FHOD3: variants seen among roughly 807,000 people sequenced by gnomAD.
The protein encoded by FHOD3 is FH1/FH2 domain-containing protein 3.
A neutral mutation model predicts 173.0 loss-of-function variants in FHOD3; 90 were observed. That is an observed-to-expected ratio of 0.52 (90% CI 0.44 to 0.62). The LOEUF (loss-of-function observed/expected upper bound fraction) is 0.62, where lower values mean the gene tolerates loss of function less well. Among genes scored for constraint, FHOD3 ranks in the 20% least tolerant of loss-of-function variants. FHOD3 has a pLI of 0.00. For missense variants in FHOD3, 1,945 were observed against 2,034.7 expected, an observed-to-expected ratio of 0.96 and a Z score of 0.85; for synonymous variants, 828 against 823.0, an observed-to-expected ratio of 1.01 and a Z score of -0.10.
chr18:36,602,531 T>C, intron 7 of FHOD3, 143 bp from the exon 8 acceptor site: 2 of 707,226 alleles, frequency 2.8e-6, no homozygotes, highest in Non-Finnish European at 2.6e-6. Flanking sequence ...AAATCCATCC[T>C]AAGGATAATG....
rs2035137252 is a variant in FHOD3 at position 36,639,505 on chromosome 18, C to T, written c.1197-9811C>T. ...GAAACCCCGTCTCTACTAAAAAATA[C>T]AAAAAAAATTAGCCGGGCGTGGTGG... On this transcript the variant is annotated intron_variant, in intron 10 of 28. Transcript: ENST00000590592. 2.0e-5 allele frequency among the ~76,000 whole-genome samples: 3 copies of T among 151,820 alleles called. No individual in the cohort carries two copies. The South Asian group carries it at 6.2e-4, about 32-fold the overall frequency.
intron 5 of FHOD3, among the ~76,000 whole-genome samples, chr18:36,569,732 T>C (rs1193099075): frequency 6.6e-6 from 1 of 152,152 alleles, no homozygotes; most frequent in African/African-American, 2.4e-5. Flanking sequence ...ATACTGTAAT[T>C]TCTGACTGGA....
chr18:36,617,970 T>A (rs538043356), intron 9 of FHOD3, among the ~76,000 whole-genome samples: 3 of 152,154 alleles, frequency 2.0e-5, no homozygotes, highest in African/African-American at 7.2e-5. Context: ...TTTTTATTAG[T>A]CTGTTATGAA....
rs371573246 is a variant in FHOD3 at position 36,550,243 on chromosome 18, C to CATATATATATATATATATATATAT, written c.512-26207_512-26184dup. Among the ~76,000 whole-genome samples the CATATATATATATATATATATATAT allele has an allele frequency of 9.1e-5, 11 of 120,714 alleles. 1 individual carries two copies. Among genetic ancestry groups the CATATATATATATATATATATATAT allele is most frequent in the African/African-American group, 3.2e-4 (10 of 31,444 alleles). 79.2% of individuals were successfully genotyped at this position (120,714 alleles called of 152,430 possible). A position where few individuals can be genotyped will look rare whatever the true frequency, so the allele number is the denominator to read the frequency against. On this transcript the variant is annotated intron_variant, in intron 5 of 28. Transcript: ENST00000590592. ...ATATATATATAGGCCAGTGGTAGAC[C>CATATATATATATATATATATATAT]ATATATATATATATATATATATATG...
chr18:36,632,954 A>G (rs1352448221), intron 10 of FHOD3, among the ~76,000 whole-genome samples: 4 of 152,150 alleles, frequency 2.6e-5, no homozygotes, highest in Non-Finnish European at 5.9e-5. Flanking sequence ...GCCTTAAGAG[A>G]TCCAGATGCA....
intron 5 of FHOD3, among the ~76,000 whole-genome samples, chr18:36,565,036 T>C (rs1410281188): frequency 2.0e-5 from 3 of 152,160 alleles, no homozygotes; most frequent in Non-Finnish European, 4.4e-5. Flanking sequence ...GTAATAGGTA[T>C]TGAAAGAGTA....
chr18:36,496,376 TA>T (rs1459119661), intron 3 of FHOD3, among the ~76,000 whole-genome samples: 1 of 152,230 alleles, frequency 6.6e-6, no homozygotes, highest in Non-Finnish European at 1.5e-5. Context: ...GTACCTCATG[TA>T]AAATGACAAA....
intron 3 of FHOD3, among the ~76,000 whole-genome samples, chr18:36,472,670 G>A (rs2053349466): frequency 6.6e-6 from 1 of 152,090 alleles, no homozygotes; most frequent in South Asian, 2.1e-4. Context: ...ATAATATGTG[G>A]TCTTTTGGGA....
chr18:36,430,886 G>T (rs1407392672), intron 3 of FHOD3, among the ~76,000 whole-genome samples: 1 of 152,004 alleles, frequency 6.6e-6, no homozygotes, highest in East Asian at 1.9e-4. Flanking sequence ...AAATGGAATG[G>T]GCAGACCAAC....
intron 19 of FHOD3, among the ~76,000 whole-genome samples, chr18:36,722,474 G>A (rs889921177): frequency 2.0e-5 from 3 of 152,212 alleles, no homozygotes; most frequent in African/African-American, 7.2e-5. Flanking sequence ...CATTAGGTTT[G>A]TCATAGGGAG....
At chr18:36,550,450 T>C (rs375370583) in intron 5 of FHOD3, among the ~76,000 whole-genome samples, 24 of 152,002 alleles carry the variant, frequency 1.6e-4, no homozygotes, top group East Asian at 5.8e-4. Flanking sequence ...CATAAGAATT[T>C]TGGTTTTTTT....
At chr18:36,360,981 G>A (rs185414624) in intron 2 of FHOD3, among the ~76,000 whole-genome samples, 2 of 152,184 alleles carry the variant, frequency 1.3e-5, no homozygotes, top group Admixed American at 6.5e-5. Context: ...AAACCAAACC[G>A]AAACAAGAAA....
At chr18:36,661,845 T>C (rs1165357500) in intron 14 of FHOD3, among the ~76,000 whole-genome samples, 2 of 152,136 alleles carry the variant, frequency 1.3e-5, no homozygotes, top group African/African-American at 4.8e-5. Context: ...AGGGCTCTCT[T>C]TTAGAAATAG....
chr18:36,759,056 C>T (rs1184212163), intron 25 of FHOD3, 62 bp from the exon 26 acceptor site: 1 of 1,516,206 alleles, frequency 6.6e-7, no homozygotes, highest in East Asian at 2.4e-5. Flanking sequence ...TTGCTGACTT[C>T]TGTGCCTTCT....
chr18:36,767,177 GA>G (rs1457645568), intron 27 of FHOD3, among the ~76,000 whole-genome samples: 3 of 152,000 alleles, frequency 2.0e-5, no homozygotes, highest in Non-Finnish European at 4.4e-5. Flanking sequence ...TTATAATGCT[GA>G]AAAAAACTGG....
intron 3 of FHOD3, among the ~76,000 whole-genome samples, chr18:36,415,965 GA>G (rs548945795): frequency 9.2e-5 from 14 of 152,268 alleles, no homozygotes; most frequent in Admixed American, 3.9e-4. Context: ...AAATCAACTG[GA>G]AACAAATTTG....
At chr18:36,499,399 C>T (rs565186764) in intron 3 of FHOD3, among the ~76,000 whole-genome samples, 5 of 152,288 alleles carry the variant, frequency 3.3e-5, no homozygotes, top group African/African-American at 9.6e-5. Context: ...CCACGGTGCC[C>T]AGCAGCCTAT....
intron 9 of FHOD3, among the ~76,000 whole-genome samples, chr18:36,617,768 C>A (rs1186333483): frequency 1.3e-5 from 2 of 151,940 alleles, no homozygotes; most frequent in Non-Finnish European, 2.9e-5. Flanking sequence ...TGGAAAATTA[C>A]ATGGGCCTGT....
chr18:36,529,572 A>G (rs1434907264), intron 5 of FHOD3, among the ~76,000 whole-genome samples: 1 of 152,004 alleles, frequency 6.6e-6, no homozygotes, highest in Non-Finnish European at 1.5e-5. Flanking sequence ...TAATCCTAGC[A>G]CTTTGGGAGG....
Sources: gnomAD v4.1 joint callset for allele counts (sites outside exome capture counted in the v4.1 genomes callset) on GRCh38, gnomAD v4.1.1 for gene constraint, MANE v1.5 for transcripts, NCBI Gene and HGNC (gene_info 2026-07-23, HGNC 2026-07-21) for gene names.